FBN1: variants seen among roughly 807,000 people sequenced by gnomAD.
FBN1 encodes the protein fibrillin 1.
FBN1 carries 29 observed loss-of-function variants against 365.1 expected under a neutral mutation model. The observed-to-expected ratio is 0.08, with a 90% confidence interval of 0.06 to 0.11. The LOEUF (loss-of-function observed/expected upper bound fraction) is 0.11, where lower values mean the gene tolerates loss of function less well. Ranked by LOEUF, FBN1 falls within the 10% of genes least tolerant of loss-of-function variation. FBN1 has a pLI of 1.00. For missense variants in FBN1, 2,476 were observed against 3,703.2 expected, an observed-to-expected ratio of 0.67 and a Z score of 8.60; for synonymous variants, 1,210 against 1,270.5, an observed-to-expected ratio of 0.95 and a Z score of 1.01.
At position 48,446,709 on chromosome 15, in the gene FBN1, T is replaced by TA; in HGVS notation, c.5784dup (p.Ile1929TyrfsTer4). 6.2e-7 allele frequency: 1 copy of TA among 1,603,266 alleles called. No homozygotes were observed. Among genetic ancestry groups the TA allele is most frequent in the South Asian group, 1.1e-5 (1 of 90,910 alleles). Reference sequence around the variant, plus strand: ...ATGCACAATTTTGCACACGCACCTATACAGTCATTGTTGTGAGAAAGGATG... The same window carrying TA: ...ATGCACAATTTTGCACACGCACCTATAACAGTCATTGTTGTGAGAAAGGATG... On this transcript the variant is annotated frameshift_variant, in exon 47 of 66. Transcript: ENST00000316623. LOFTEE classifies it high-confidence loss of function.
chr15:48,442,941 G>T (rs1262572044), intron 49 of FBN1, among the ~76,000 whole-genome samples: 1 of 152,082 alleles, frequency 6.6e-6, no homozygotes, highest in Non-Finnish European at 1.5e-5. Flanking sequence ...TTTGTGCAAA[G>T]GTTTCTACTC....
intron 6 of FBN1, among the ~76,000 whole-genome samples, chr15:48,593,305 T>G (rs1597622237): frequency 6.6e-6 from 1 of 152,352 alleles, no homozygotes; most frequent in East Asian, 1.9e-4. Flanking sequence ...GGGACATAGA[T>G]CTTTATCCTG....
In FBN1 at chr15:48,468,401, T is replaced by C. The variant is rs746907037; in HGVS notation, c.4582+11A>G. On this transcript the variant is annotated intron_variant, in intron 37 of 65. Transcript: ENST00000316623. ...TATGCTTGCTTCTCTGAAAAGTTTT[T>C]AAGGTCTTACCAACACAGCCAACTC... 36 of 1,613,886 alleles carry C rather than the reference T, an allele frequency of 2.2e-5. No individual in the cohort carries two copies. In the East Asian group the frequency reaches 8.0e-4, roughly 36 times the overall value.
chr15:48,498,152 G>C (rs1330696202), intron 18 of FBN1, among the ~76,000 whole-genome samples: 1 of 150,858 alleles, frequency 6.6e-6, no homozygotes, highest in African/African-American at 2.5e-5. Flanking sequence ...CCTGGTGCCT[G>C]ACTCTTCTAT....
chr15:48,489,969 C>G lies in FBN1; in HGVS notation c.2964G>C (p.Trp988Cys). The change falls in exon 25 of 66, where the codon TGG (tryptophan) becomes TGC (cysteine). Residue 988 changes from tryptophan to cysteine, a missense_variant. Around this residue, in one of 5 missense-constraint regions of FBN1, gnomAD observed 1,780 missense variants for 2,840.8 expected, o/e 0.63. Coordinates refer to ENST00000316623, the MANE Select transcript of FBN1 (RefSeq NM_000138.5). ...GACACTCCTCGCATTCCTCAGTACC[C>G]CAGGCTGCCCCGACGGAGCAGCAGC... ...DACCCSVGAA[W>C]GTEECEECPM... 6.2e-7 allele frequency: 1 copy of G among 1,614,152 alleles called. No individual in the cohort carries two copies. Among genetic ancestry groups the G allele is most frequent in the South Asian group, 1.1e-5 (1 of 91,078 alleles).
chr15:48,612,417 T>C (rs1306240114), intron 3 of FBN1, among the ~76,000 whole-genome samples: 1 of 152,246 alleles, frequency 6.6e-6, no homozygotes, highest in Non-Finnish European at 1.5e-5. Flanking sequence ...TTGACTTTGG[T>C]GTCTCCATTA....
rs151112569 is a variant in FBN1 at position 48,434,608 on chromosome 15, A to C, written c.6602T>G (p.Met2201Arg). The C allele has an allele frequency of 6.2e-7, 1 of 1,613,808 alleles. No individual in the cohort carries two copies. Among genetic ancestry groups the C allele is most frequent in the Non-Finnish European group, 8.5e-7 (1 of 1,179,764 alleles). The change falls in exon 54 of 66, where the codon ATG becomes AGG. Residue 2201 changes from methionine (M) to arginine (R), a missense_variant. Met to Arg is a moderately conservative substitution (Grantham distance 91). Around this residue, in one of 5 missense-constraint regions of FBN1, gnomAD observed 1,780 missense variants for 2,840.8 expected, o/e 0.63. Transcript: ENST00000316623. ...AAGAGATGTACCTTCACATGTCATC[A>C]TTGGACCGGGCTCAAATCCCTCCTC... Reference protein sequence around the residue: ...TCEEGFEPGPMMTCEDINECA... With the variant: ...TCEEGFEPGPRMTCEDINECA...
chr15:48,582,297 T>C (rs1208854477), intron 6 of FBN1, among the ~76,000 whole-genome samples: 1 of 152,184 alleles, frequency 6.6e-6, no homozygotes. Flanking sequence ...ACAGAAATAG[T>C]CTCTCCCGTG....
intron 23 of FBN1, among the ~76,000 whole-genome samples, chr15:48,493,426 C>T (rs977468758): frequency 6.6e-6 from 1 of 152,120 alleles, no homozygotes; most frequent in African/African-American, 2.4e-5. Context: ...CTGAATCTTT[C>T]CTTGTAAGAG....
chr15:48,488,532 G>A (rs140594), intron 25 of FBN1, 39 bp from the exon 26 acceptor site: 1 of 1,606,488 alleles, frequency 6.2e-7, no homozygotes, highest in Admixed American at 1.7e-5. Flanking sequence ...ATAAGTTTAT[G>A]AGCAAGCAGT....
chr15:48,641,668 A>T (rs139647446), intron 2 of FBN1: 2 of 152,300 alleles, frequency 1.3e-5, no homozygotes, highest in East Asian at 3.9e-4. Context: ...TGCATCTCCA[A>T]TCAGAATGGT....
chr15:48,437,166 T>C, intron 52 of FBN1, 89 bp from the exon 53 acceptor site: 2 of 1,154,072 alleles, frequency 1.7e-6, no homozygotes, highest in Non-Finnish European at 2.6e-6. Flanking sequence ...AATCAAAAGA[T>C]TATCTAATAA....
intron 17 of FBN1, among the ~76,000 whole-genome samples, chr15:48,502,347 C>T (rs1260537267): frequency 2.6e-5 from 4 of 152,072 alleles, no homozygotes; most frequent in African/African-American, 9.7e-5. Flanking sequence ...TGCCTGGCCC[C>T]CCATTTCTTT....
intron 2 of FBN1, among the ~76,000 whole-genome samples, chr15:48,617,419 C>T (rs1189873699): frequency 2.6e-5 from 4 of 152,040 alleles, no homozygotes; most frequent in Non-Finnish European, 5.9e-5. Flanking sequence ...GTGATCCGCC[C>T]GCCTCTGCCT....
At chr15:48,518,026 T>C (rs2043818676) in intron 10 of FBN1, among the ~76,000 whole-genome samples, 1 of 152,228 alleles carries the variant, frequency 6.6e-6, no homozygotes, top group East Asian at 1.9e-4. Context: ...ATATTTGACA[T>C]TTCCATCTCA....
intron 6 of FBN1, among the ~76,000 whole-genome samples, chr15:48,568,128 C>T (rs1207739425): frequency 7.4e-6 from 1 of 134,394 alleles, no homozygotes; most frequent in Non-Finnish European, 1.6e-5. Flanking sequence ...TAAGAAAATC[C>T]TAAGGAATCT....
rs575602832 is a variant in FBN1, at chr15:48,597,966, C to G, written c.443-1588G>C. 2.0e-4 allele frequency among the ~76,000 whole-genome samples: 30 copies of G among 152,286 alleles called. No individual in the cohort carries two copies. In the South Asian group the frequency reaches 6.2e-3, roughly 32 times the overall value. On this transcript the variant is annotated intron_variant, in intron 5 of 65. Transcript: ENST00000316623. ...AGCACCAAGGGGAGCAGAAGAGATG[C>G]CCAGCAGCCCCTCCTGATTCTCCTG...
At chr15:48,471,489 T>A (rs892752117) in intron 35 of FBN1, among the ~76,000 whole-genome samples, 1 of 152,216 alleles carries the variant, frequency 6.6e-6, no homozygotes, top group African/African-American at 2.4e-5. Flanking sequence ...CCTTGGATAT[T>A]TGGAGTAACA....
At chr15:48,611,931 A>T (rs2044660076) in intron 3 of FBN1, among the ~76,000 whole-genome samples, 1 of 152,242 alleles carries the variant, frequency 6.6e-6, no homozygotes. Context: ...TCAAACATCC[A>T]AAGAGTTTAG....
Sources: gnomAD v4.1 joint callset for allele counts (sites outside exome capture counted in the v4.1 genomes callset) on GRCh38, gnomAD v4.1.1 for gene constraint, gnomAD v4.1.1 regional missense constraint, MANE v1.5 for transcripts, NCBI Gene and HGNC (gene_info 2026-07-23, HGNC 2026-07-21) for gene names.